ASPG: variants seen among roughly 807,000 people sequenced by gnomAD.
ASPG encodes the protein asparaginase, also known as 60 kDa lysophospholipase.
A neutral mutation model predicts 63.2 loss-of-function variants in ASPG; 53 were observed. The ratio of observed to expected loss-of-function variants is 0.84; its 90% CI spans 0.67 to 1.05. ASPG has a LOEUF of 1.05. Among genes scored for constraint, ASPG ranks in the 50% least tolerant of loss-of-function variants. The pLI is 0.00. For missense variants in ASPG, 741 were observed against 794.4 expected (o/e 0.93, Z 0.81); for synonymous variants, 370 against 355.0 (o/e 1.04, Z -0.48).
At chr14:104,105,472 C>T (rs759955334) in intron 10 of ASPG, 22 bp downstream of exon 10, 8 of 1,543,744 alleles carry the variant, frequency 5.2e-6, no homozygotes, top group Non-Finnish European at 7.0e-6. Flanking sequence ...GGACACGGGC[C>T]TGAGTGGCAG....
intron 12 of ASPG, among the ~76,000 whole-genome samples, chr14:104,107,853 C>T (rs1337816559): frequency 6.6e-6 from 1 of 151,986 alleles, no homozygotes; most frequent in African/African-American, 2.4e-5. Context: ...GGATCTGCGT[C>T]CCGTCTCCCC....
intron 12 of ASPG, chr14:104,108,810 C>G: frequency 4.1e-6 from 4 of 985,398 alleles, no homozygotes; most frequent in Non-Finnish European, 1.2e-6. Context: ...GTGTGATCAG[C>G]GTTTGGGTGT....
At chr14:104,095,168 C>T (rs950563138) in intron 3 of ASPG, among the ~76,000 whole-genome samples, 5 of 152,212 alleles carry the variant, frequency 3.3e-5, no homozygotes, top group South Asian at 2.1e-4. Flanking sequence ...TTGCCTGACC[C>T]GCGGTCTGGG....
At chr14:104,094,920 G>A (rs975807417) in intron 3 of ASPG, among the ~76,000 whole-genome samples, 5 of 152,182 alleles carry the variant, frequency 3.3e-5, no homozygotes, top group African/African-American at 9.7e-5. Flanking sequence ...GCAGGCCCAG[G>A]CTTCGTATGG....
intron 2 of ASPG, 145 bp from the exon 3 acceptor site, chr14:104,093,346 T>C: frequency 1.3e-6 from 1 of 745,004 alleles, no homozygotes; most frequent in Non-Finnish European, 2.4e-6. Flanking sequence ...GTACCTGGGA[T>C]GCTGAGAACT....
Position 104,104,382 on chromosome 14 carries a change from G to A in ASPG, c.832G>A (p.Asp278Asn), listed in dbSNP as rs749790590. The A allele has an allele frequency of 9.9e-5, 160 of 1,612,494 alleles. No individual in the cohort carries two copies. The highest frequency in any genetic ancestry group is 1.6e-4 in the East Asian group (7 of 44,894). ...TTCAGGGAACGGACCCACCAAGCCCGACCTGCTGCAGGAGCTGCGGGTGGC... is the reference window on the plus strand; with the variant it reads ...TTCAGGGAACGGACCCACCAAGCCCAACCTGCTGCAGGAGCTGCGGGTGGC... ...FGSGNGPTKP[D>N]LLQELRVATE... The change falls in exon 8 of 16, where the codon GAC becomes AAC. Residue 278 changes from aspartate to asparagine, a missense_variant. By Grantham distance (23) the Asp-to-Asn change is conservative. Coordinates refer to ENST00000551177, the MANE Select transcript of ASPG (RefSeq NM_001080464.3).
chr14:104,103,594 G>T lies in ASPG; in HGVS notation c.672G>T (p.Gly224=). The T allele has an allele frequency of 6.5e-7, 1 of 1,548,166 alleles. No homozygotes were observed. Among genetic ancestry groups the T allele is most frequent in the Non-Finnish European group, 8.7e-7 (1 of 1,146,766 alleles). The change falls in exon 7 of 16, where the codon GGG becomes GGT. Residue 224 remains glycine (G), a synonymous_variant. Transcript: ENST00000551177. ...INRELVRKVD[G]KAGLVVHSSM... ...GGGAGCTGGTGCGGAAGGTGGACGGGAAGGCTGGGCTGGTGGTGCACAGCA... is the reference window on the plus strand; with the variant it reads ...GGGAGCTGGTGCGGAAGGTGGACGGTAAGGCTGGGCTGGTGGTGCACAGCA...
rs921406996 is a variant in ASPG, at chr14:104,091,880, G to A, written c.83-753G>A. Among the ~76,000 whole-genome samples the A allele has an allele frequency of 6.6e-6, 1 of 152,018 alleles. No individual in the cohort carries two copies. The highest frequency in any genetic ancestry group is 6.5e-5 in the Admixed American group (1 of 15,268). The stretch of plus-strand genomic sequence containing the variant: ...CCCTGGAGGGGTGGCTGAGGGGTCA[G>A]GGCTTTATACTGAGCAGCTGGCCCC... On this transcript the variant is annotated intron_variant, in intron 1 of 15. Coordinates refer to ENST00000551177, the MANE Select transcript of ASPG (RefSeq NM_001080464.3). The surrounding 1 kb of genome is among the most constrained non-coding windows in gnomAD (Gnocchi z 6.4).
chr14:104,097,839 C>T (rs528147653), intron 5 of ASPG, among the ~76,000 whole-genome samples: 4 of 142,646 alleles, frequency 2.8e-5, no homozygotes, highest in South Asian at 2.2e-4. Context: ...TATGGAGGTT[C>T]TGCGTTAGAG....
chr14:104,089,473 C>A (rs2036303783), intron 1 of ASPG, among the ~76,000 whole-genome samples: 1 of 150,390 alleles, frequency 6.6e-6, no homozygotes, highest in Admixed American at 6.6e-5. Context: ...GAGCCGAGAT[C>A]TCGCCACTGC....
intron 1 of ASPG, among the ~76,000 whole-genome samples, chr14:104,090,075 G>A (rs2036324894): frequency 6.6e-6 from 1 of 151,968 alleles, no homozygotes; most frequent in Admixed American, 6.6e-5. Flanking sequence ...CCAAAATTCT[G>A]GGATTACAGG....
rs750805697 is a variant in ASPG at position 104,109,914 on chromosome 14, G to C, written c.1520+599G>C. Reference sequence around the variant, plus strand: ...GCAGGCTCAGGCCTTCTGACATCATGTTGTTGTTGGGGAGACTGAGGCGCA... The same window carrying C: ...GCAGGCTCAGGCCTTCTGACATCATCTTGTTGTTGGGGAGACTGAGGCGCA... On this transcript the variant is annotated intron_variant, in intron 13 of 15. Transcript: ENST00000551177. This position sits in a 1 kb window ranked among gnomAD's most constrained non-coding sequence, Gnocchi z 4.8. 8.6e-5 allele frequency: 84 copies of C among 978,022 alleles called. No individual in the cohort carries two copies. The highest frequency in any genetic ancestry group is 1.0e-4 in the Non-Finnish European group (83 of 823,374). The allele number at this position is 978,022 out of a possible 1,614,324, so 60.6% of individuals were successfully genotyped here.
rs1005102719 is a variant in ASPG at position 104,114,845 on chromosome 14, C to G, written c.*2301C>G. The G allele has an allele frequency of 6.6e-6, 1 of 152,222 alleles. No homozygotes were observed. The highest frequency in any genetic ancestry group is 2.4e-5 in the African/African-American group (1 of 41,436). 9.4% of individuals were successfully genotyped at this position (152,222 alleles called of 1,614,324 possible). ...AGGAAGCTAAGGCACAGAGTGGCCC[C>G]GTCCTGCGCCCAGGGCTCTGCGTTG... On this transcript the variant is annotated 3_prime_UTR_variant, in exon 16 of 16. Transcript: ENST00000551177.
At chr14:104,097,341 A>G (rs1168704846) in intron 4 of ASPG, among the ~76,000 whole-genome samples, 2 of 152,038 alleles carry the variant, frequency 1.3e-5, no homozygotes, top group Non-Finnish European at 2.9e-5. Flanking sequence ...GGCCTTGGAG[A>G]CAGGCTTACT....
rs1260589748 is a variant in ASPG at position 104,103,633 on chromosome 14, C to T, written c.711C>T (p.Asp237=). 4.5e-6 allele frequency: 7 copies of T among 1,548,078 alleles called. No individual in the cohort carries two copies. Among genetic ancestry groups the T allele is most frequent in the East Asian group, 4.9e-5 (2 of 40,906 alleles). The stretch of plus-strand genomic sequence containing the variant: ...TGGTGCACAGCAGCATGGAGCAGGA[C>T]GTGGGCCTGCTGCGCCTCTACCCTG... ...GLVVHSSMEQ[D]VGLLRLYPGI... The change falls in exon 7 of 16, where the codon GAC becomes GAT. Residue 237 remains aspartate (D), a synonymous_variant. Coordinates refer to ENST00000551177, the MANE Select transcript of ASPG (RefSeq NM_001080464.3).
At chr14:104,098,638 G>A (rs2036732409) in intron 5 of ASPG, among the ~76,000 whole-genome samples, 1 of 152,172 alleles carries the variant, frequency 6.6e-6, no homozygotes. Flanking sequence ...GCCCCTGCAG[G>A]CTCCGGTTAG....
Position 104,110,904 on chromosome 14 carries a change from C to A in ASPG, c.1521-598C>A. 1.0e-6 allele frequency: 1 copy of A among 985,394 alleles called. No homozygotes were observed. The highest frequency in any genetic ancestry group is 1.2e-6 in the Non-Finnish European group (1 of 829,890). The allele number at this position is 985,394 out of a possible 1,614,324, so 61.0% of individuals were successfully genotyped here. A position where few individuals can be genotyped will look rare whatever the true frequency, so the allele number is the denominator to read the frequency against. On this transcript the variant is annotated intron_variant, in intron 13 of 15. Coordinates refer to ENST00000551177, the MANE Select transcript of ASPG (RefSeq NM_001080464.3). This position sits in a 1 kb window ranked among gnomAD's most constrained non-coding sequence, Gnocchi z 4.7. The stretch of plus-strand genomic sequence containing the variant: ...AGGGCCTGGCAGGTGCTCCCCACTC[C>A]AGGGCAGGTGGGCCCAGACCCCTGT...
Position 104,109,074 on chromosome 14 carries a change from G to A in ASPG, c.1434-155G>A, listed in dbSNP as rs1038361686. The A allele has an allele frequency of 1.5e-5, 15 of 985,452 alleles. No individual in the cohort carries two copies. The highest frequency in any genetic ancestry group is 1.8e-5 in the Non-Finnish European group (15 of 829,932). 61.0% of individuals were successfully genotyped at this position (985,452 alleles called of 1,614,324 possible). ...TCACATGGGCCTAGGCAGAGGATGG[G>A]GGGATGGGCCCTTGTCTGAGGCTAG... On this transcript the variant is annotated intron_variant, in intron 12 of 15. Coordinates refer to ENST00000551177, the MANE Select transcript of ASPG (RefSeq NM_001080464.3). The surrounding 1 kb of genome is among the most constrained non-coding windows in gnomAD (Gnocchi z 4.8).
chr14:104,108,981 C>T, intron 12 of ASPG: 3 of 985,452 alleles, frequency 3.0e-6, no homozygotes, highest in Non-Finnish European at 3.6e-6. Flanking sequence ...GACCCCACCC[C>T]TTGCAGACCT....
Sources: gnomAD v4.1 joint callset for allele counts (sites outside exome capture counted in the v4.1 genomes callset) on GRCh38, gnomAD v4.1.1 for gene constraint, Gnocchi (gnomAD v3.1) non-coding constraint, MANE v1.5 for transcripts, NCBI Gene and HGNC (gene_info 2026-07-23, HGNC 2026-07-21) for gene names.